BORCS5: variants seen among roughly 807,000 people sequenced by gnomAD.
BORCS5 encodes the protein BLOC-1 related complex subunit 5, also known as BLOC-1-related complex subunit 5.
BORCS5 carries 17 observed loss-of-function variants against 22.1 expected under a neutral mutation model. That is an observed-to-expected ratio of 0.77 (90% CI 0.53 to 1.15). The LOEUF is 1.15. Among genes scored for constraint, BORCS5 ranks in the 50% most tolerant of loss-of-function variants. BORCS5 has a pLI of 0.00. For missense variants in BORCS5, 247 were observed against 253.2 expected, an observed-to-expected ratio of 0.98 and a Z score of 0.17; for synonymous variants, 117 against 99.8, an observed-to-expected ratio of 1.17 and a Z score of -1.03.
At chr12:12,447,060 C>T (rs1265911674) in intron 3 of BORCS5, among the ~76,000 whole-genome samples, 2 of 152,186 alleles carry the variant, frequency 1.3e-5, no homozygotes, top group Non-Finnish European at 2.9e-5. Flanking sequence ...TCCTCTCTTC[C>T]CCTTTCTACC....
chr12:12,375,293 G>C (rs1248472344), intron 2 of BORCS5, among the ~76,000 whole-genome samples: 1 of 152,218 alleles, frequency 6.6e-6, no homozygotes, highest in African/African-American at 2.4e-5. Flanking sequence ...GATTATAGGC[G>C]TGAGCCACTG....
chr12:12,414,498 T>G (rs1592102578), intron 2 of BORCS5, among the ~76,000 whole-genome samples: 3 of 60,374 alleles, frequency 5.0e-5, no homozygotes, highest in South Asian at 4.5e-4. Flanking sequence ...CACTTCCCAG[T>G]AGGGGCGGCC....
At chr12:12,405,102 T>C (rs1193339003) in intron 2 of BORCS5, among the ~76,000 whole-genome samples, 1 of 152,154 alleles carries the variant, frequency 6.6e-6, no homozygotes, top group African/African-American at 2.4e-5. Flanking sequence ...TCAACAATAA[T>C]ACAGAAGAAG....
Position 12,466,584 on chromosome 12 carries a change from C to G in BORCS5, c.*808C>G, listed in dbSNP as rs1165934515. 1.3e-5 allele frequency: 2 copies of G among 152,272 alleles called. No homozygotes were observed. The highest frequency in any genetic ancestry group is 3.9e-4 in the East Asian group (2 of 5,188). 9.4% of individuals were successfully genotyped at this position (152,272 alleles called of 1,614,324 possible). The stretch of plus-strand genomic sequence containing the variant: ...CTTCATTTCTGAAAAGAAAAAAGCT[C>G]AAAAAGCTGCTGAATTTCTCTGGGA... On this transcript the variant is annotated 3_prime_UTR_variant, in exon 4 of 4. Coordinates refer to ENST00000314565, the MANE Select transcript of BORCS5 (RefSeq NM_058169.6).
At chr12:12,377,612 C>T (rs1863684333) in intron 2 of BORCS5, among the ~76,000 whole-genome samples, 1 of 151,916 alleles carries the variant, frequency 6.6e-6, no homozygotes. Context: ...AAAGATAGCT[C>T]ACAGGTCCTC....
intron 2 of BORCS5, among the ~76,000 whole-genome samples, chr12:12,392,807 C>T (rs541971054): frequency 2.6e-5 from 4 of 152,248 alleles, no homozygotes; most frequent in African/African-American, 7.2e-5. Flanking sequence ...CAGTTCTGAT[C>T]ACTGGGACTT....
chr12:12,398,497 T>C (rs554934939), intron 2 of BORCS5, among the ~76,000 whole-genome samples: 96 of 152,312 alleles, frequency 6.3e-4, no homozygotes, highest in African/African-American at 2.3e-3. Flanking sequence ...ATGTTTACCA[T>C]GTCCTCCCCC....
At chr12:12,440,341 C>T (rs73061501) in intron 3 of BORCS5, among the ~76,000 whole-genome samples, 4,915 of 152,222 alleles carry the variant, frequency 0.032, 123 homozygotes, top group South Asian at 0.14. Context: ...TCTTTAATGG[C>T]GATAGGCTGA....
At chr12:12,360,802 C>T (rs867553739) in intron 1 of BORCS5, among the ~76,000 whole-genome samples, 1 of 151,800 alleles carries the variant, frequency 6.6e-6, no homozygotes, top group African/African-American at 2.4e-5. Flanking sequence ...CACACCGCAA[C>T]CTCCGCCTCT....
intron 3 of BORCS5, chr12:12,452,251 G>T: frequency 1.3e-6 from 1 of 773,254 alleles, no homozygotes; most frequent in Non-Finnish European, 2.2e-6. Context: ...GATTTTTCCA[G>T]CTTATTTTGT....
chr12:12,460,584 G>A (rs998993284), intron 3 of BORCS5, among the ~76,000 whole-genome samples: 3 of 152,188 alleles, frequency 2.0e-5, no homozygotes, highest in African/African-American at 7.2e-5. Flanking sequence ...GGAGAAAAGT[G>A]TCTTTCACCA....
At chr12:12,452,541 G>A in intron 3 of BORCS5, 1 of 366,374 alleles carries the variant, frequency 2.7e-6, no homozygotes. Context: ...CGGCGCGCAA[G>A]CCTCGCCTCG....
chr12:12,357,753 C>T (rs1186709824), intron 1 of BORCS5, among the ~76,000 whole-genome samples: 1 of 152,220 alleles, frequency 6.6e-6, no homozygotes, highest in East Asian at 1.9e-4. Context: ...ACAGCCGTTT[C>T]TCCCAGCTAC....
At position 12,367,493 on chromosome 12, in the gene BORCS5, C is replaced by T. The variant is rs187211238; in HGVS notation, c.202+6144C>T. Among the ~76,000 whole-genome samples, 12 of 152,284 alleles carry T rather than the reference C, an allele frequency of 7.9e-5. No individual in the cohort carries two copies. In the East Asian group the frequency reaches 2.3e-3, roughly 29 times the overall value. ...AAGATTGATGACTTATTCCTGATTA[C>T]TTTATGGGTTTGTATTTGTAATAGC... On this transcript the variant is annotated intron_variant, in intron 2 of 3. Transcript: ENST00000314565.
At chr12:12,413,489 C>G (rs1565883810) in intron 2 of BORCS5, among the ~76,000 whole-genome samples, 1 of 150,590 alleles carries the variant, frequency 6.6e-6, no homozygotes, top group Non-Finnish European at 1.5e-5. Context: ...TCCATCCACA[C>G]AGACCCGGCA....
intron 3 of BORCS5, among the ~76,000 whole-genome samples, chr12:12,463,222 T>C (rs951474385): frequency 2.0e-5 from 3 of 152,158 alleles, no homozygotes; most frequent in Non-Finnish European, 1.5e-5. Flanking sequence ...AGGTAGGGAT[T>C]ATGGATCAAG....
intron 2 of BORCS5, among the ~76,000 whole-genome samples, chr12:12,417,383 A>G (rs1442923330): frequency 6.6e-6 from 1 of 152,184 alleles, no homozygotes; most frequent in Non-Finnish European, 1.5e-5. Context: ...GACCTAACAT[A>G]TGGCCTATCC....
intron 3 of BORCS5, among the ~76,000 whole-genome samples, chr12:12,456,417 C>T (rs1173950628): frequency 1.3e-5 from 2 of 152,134 alleles, no homozygotes; most frequent in African/African-American, 2.4e-5. Context: ...GGCAACAGAG[C>T]GAGACCCTGT....
At chr12:12,375,260 G>T (rs1307082467) in intron 2 of BORCS5, among the ~76,000 whole-genome samples, 1 of 152,050 alleles carries the variant, frequency 6.6e-6, no homozygotes, top group Admixed American at 6.5e-5. Context: ...TGATCCATCC[G>T]CCTCGGCCTC....
Sources: gnomAD v4.1 joint callset for allele counts (sites outside exome capture counted in the v4.1 genomes callset) on GRCh38, gnomAD v4.1.1 for gene constraint, MANE v1.5 for transcripts, NCBI Gene and HGNC (gene_info 2026-07-23, HGNC 2026-07-21) for gene names.